The following PDE4D variants were observed in gnomAD, a reference collection of about 807,000 sequenced individuals.
PDE4D encodes the protein 3',5'-cyclic-AMP phosphodiesterase 4D.
Under a neutral mutation model 87.4 loss-of-function variants are expected in PDE4D, and 24 were observed. The ratio of observed to expected loss-of-function variants is 0.27; its 90% CI spans 0.20 to 0.39. The LOEUF is 0.39. PDE4D is among the 10% of genes least tolerant of loss of function. The pLI, the probability that PDE4D is intolerant of heterozygous loss-of-function variation, is 1.00. For missense variants in PDE4D, 714 were observed against 1,041.0 expected (o/e 0.69, Z 4.32); for synonymous variants, 384 against 383.2 (o/e 1.00, Z -0.02).
intron 1 of PDE4D, among the ~76,000 whole-genome samples, chr5:59,735,275 A>G (rs1363900943): frequency 6.6e-6 from 1 of 152,206 alleles, no homozygotes; most frequent in East Asian, 1.9e-4. Flanking sequence ...CTTGAGATGT[A>G]TATAAAGGAA....
chr5:60,460,974 A>C (rs75057980), intron 1 of PDE4D, among the ~76,000 whole-genome samples: 2,836 of 152,186 alleles, frequency 0.019, 73 homozygotes, highest in African/African-American at 0.066. Flanking sequence ...TGGACCCCCC[A>C]AGGAAGCTAA....
intron 2 of PDE4D, among the ~76,000 whole-genome samples, chr5:60,150,591 T>C (rs532368307): frequency 6.6e-6 from 1 of 152,278 alleles, no homozygotes; most frequent in South Asian, 2.1e-4. Flanking sequence ...TACTTTCGCA[T>C]GGTAAATAGC....
intron 1 of PDE4D, among the ~76,000 whole-genome samples, chr5:60,469,547 C>T (rs1747660406): frequency 6.6e-6 from 1 of 152,202 alleles, no homozygotes; most frequent in Non-Finnish European, 1.5e-5. Context: ...TGTTTTGTTA[C>T]ACATCACAGG....
At chr5:60,363,610 A>C (rs948089241) in intron 1 of PDE4D, among the ~76,000 whole-genome samples, 1 of 152,220 alleles carries the variant, frequency 6.6e-6, no homozygotes, top group Non-Finnish European at 1.5e-5. Context: ...AGATAAGTTC[A>C]AATAAGGGCT....
chr5:59,688,044 T>C (rs1750216299), intron 1 of PDE4D, among the ~76,000 whole-genome samples: 1 of 152,096 alleles, frequency 6.6e-6, no homozygotes, highest in Admixed American at 6.5e-5. Flanking sequence ...ATGCACCCAA[T>C]ACAGGAGCAC....
At chr5:60,130,031 A>G (rs1779433838) in intron 2 of PDE4D, among the ~76,000 whole-genome samples, 1 of 152,120 alleles carries the variant, frequency 6.6e-6, no homozygotes, top group Non-Finnish European at 1.5e-5. Context: ...GGCCCCAGAG[A>G]CCTGACTTGT....
chr5:60,192,873 A>G (rs1326008250), intron 1 of PDE4D, among the ~76,000 whole-genome samples: 7 of 152,222 alleles, frequency 4.6e-5, no homozygotes, highest in Non-Finnish European at 8.8e-5. Flanking sequence ...AAAGTTACTC[A>G]TCTCTTCTTA....
chr5:60,478,324 T>C (rs1209962393), intron 1 of PDE4D, among the ~76,000 whole-genome samples: 1 of 152,202 alleles, frequency 6.6e-6, no homozygotes, highest in Admixed American at 6.5e-5. Context: ...GTGATTTTTT[T>C]TACAAGTATA....
chr5:59,041,654 T>G lies in PDE4D; in HGVS notation c.809-2683A>C, dbSNP rs1353747. 0.069 allele frequency among the ~76,000 whole-genome samples: 10,481 copies of G among 152,226 alleles called. 508 individuals carry two copies. The highest frequency in any genetic ancestry group is 0.11 in the Admixed American group (1,629 of 15,266). On this transcript the variant is annotated intron_variant, in intron 5 of 14. Coordinates refer to ENST00000340635, the MANE Select transcript of PDE4D (RefSeq NM_001104631.2). The stretch of plus-strand genomic sequence containing the variant: ...CTGGGAGTCCCCTCTGAGGTTCGGC[T>G]TTCTGTGGCTCCTCTCCCCTGCACT...
At chr5:60,058,655 T>A (rs1771047094) in intron 2 of PDE4D, among the ~76,000 whole-genome samples, 1 of 151,730 alleles carries the variant, frequency 6.6e-6, no homozygotes, top group African/African-American at 2.4e-5. Context: ...GAACTGAGAG[T>A]TGTTTAAAAA....
At chr5:59,313,297 A>G (rs1561937303) in intron 1 of PDE4D, among the ~76,000 whole-genome samples, 4 of 152,118 alleles carry the variant, frequency 2.6e-5, no homozygotes, top group Admixed American at 2.6e-4. Flanking sequence ...CCCTTTATTT[A>G]TATTGCTTAT....
intron 8 of PDE4D, among the ~76,000 whole-genome samples, chr5:58,991,473 A>G (rs1747899775): frequency 6.6e-6 from 1 of 152,234 alleles, no homozygotes; most frequent in Non-Finnish European, 1.5e-5. Flanking sequence ...TTGACATTAC[A>G]ACACATTTAT....
intron 1 of PDE4D, among the ~76,000 whole-genome samples, chr5:59,868,313 A>T (rs1747341625): frequency 6.6e-6 from 1 of 152,170 alleles, no homozygotes; most frequent in African/African-American, 2.4e-5. Context: ...CTGTGAGAAG[A>T]GTGACAATGT....
intron 1 of PDE4D, among the ~76,000 whole-genome samples, chr5:60,371,405 C>T (rs1761017273): frequency 6.6e-6 from 1 of 152,194 alleles, no homozygotes; most frequent in South Asian, 2.1e-4. Context: ...GCTCCCTTTA[C>T]CCAATATAAT....
intron 1 of PDE4D, among the ~76,000 whole-genome samples, chr5:59,608,731 C>A (rs1293815328): frequency 6.6e-6 from 1 of 152,138 alleles, no homozygotes; most frequent in East Asian, 1.9e-4. Context: ...TCTCCCACCT[C>A]CTGGCATTTA....
chr5:59,311,749 C>T (rs1289209768), intron 1 of PDE4D, among the ~76,000 whole-genome samples: 2 of 152,254 alleles, frequency 1.3e-5, no homozygotes, highest in Non-Finnish European at 2.9e-5. Flanking sequence ...AATTTTAATA[C>T]CATTCTCCGG....
intron 1 of PDE4D, among the ~76,000 whole-genome samples, chr5:60,417,170 T>C (rs960169691): frequency 5.3e-5 from 8 of 152,226 alleles, no homozygotes; most frequent in African/African-American, 1.9e-4. Context: ...ATAAAGCAAG[T>C]GTGCCCAGAG....
intron 1 of PDE4D, among the ~76,000 whole-genome samples, chr5:59,538,746 A>G (rs1013910786): frequency 6.6e-6 from 1 of 152,146 alleles, no homozygotes; most frequent in Non-Finnish European, 1.5e-5. Context: ...CTTAACATGG[A>G]TAGCAAGGCC....
chr5:59,044,445 G>A (rs545093090), intron 5 of PDE4D, among the ~76,000 whole-genome samples: 7 of 152,294 alleles, frequency 4.6e-5, no homozygotes, highest in South Asian at 2.1e-4. Context: ...TTTGTTCTAC[G>A]GAAGGAATTG....
Sources: allele counts gnomAD v4.1 joint callset (sites outside exome capture counted in the v4.1 genomes callset), GRCh38; gene constraint gnomAD v4.1.1; transcripts MANE v1.5; gene names NCBI Gene and HGNC (gene_info 2026-07-23, HGNC 2026-07-21).